The following VPS13C variants were observed in gnomAD, a reference collection of about 807,000 sequenced individuals.
VPS13C encodes the protein vacuolar protein sorting 13 homolog C.
A neutral mutation model predicts 456.8 loss-of-function variants in VPS13C; 358 were observed. The observed-to-expected ratio is 0.78, with a 90% CI of 0.72 to 0.86. The LOEUF (loss-of-function observed/expected upper bound fraction) is 0.86. Ranked by LOEUF, VPS13C falls within the 40% of genes least tolerant of loss-of-function variation. The pLI is 0.00. For synonymous variants in VPS13C, 1,578 were observed against 1,486.7 expected, an observed-to-expected ratio of 1.06 and a Z score of -1.41; for missense variants, 4,818 against 4,385.4, an observed-to-expected ratio of 1.10 and a Z score of -2.79.
At chr15:62,039,648 T>G (rs528996583) in intron 3 of VPS13C, among the ~76,000 whole-genome samples, 2 of 152,182 alleles carry the variant, frequency 1.3e-5, no homozygotes, top group East Asian at 3.9e-4. Context: ...AAATCAAAAC[T>G]ACAATGATAT....
chr15:62,022,325 T>C (rs2047492116), intron 8 of VPS13C, among the ~76,000 whole-genome samples: 1 of 151,910 alleles, frequency 6.6e-6, no homozygotes, highest in Admixed American at 6.6e-5. Context: ...ATTTGATTTT[T>C]AGATTCTGAG....
intron 32 of VPS13C, 67 bp from the exon 33 acceptor site, chr15:61,962,919 A>T: frequency 8.9e-7 from 1 of 1,125,554 alleles, no homozygotes; most frequent in South Asian, 2.2e-5. Context: ...TCTTTCCATT[A>T]CATTATTTTA....
intron 24 of VPS13C, 73 bp downstream of exon 24, chr15:61,977,009 C>G: frequency 9.3e-7 from 1 of 1,079,126 alleles, no homozygotes; most frequent in South Asian, 1.5e-5. Flanking sequence ...TCTTTGCTTC[C>G]TTAAATTCTA....
intron 1 of VPS13C, among the ~76,000 whole-genome samples, chr15:62,059,079 T>C (rs1216094958): frequency 2.0e-5 from 3 of 152,076 alleles, no homozygotes; most frequent in Admixed American, 6.5e-5. Context: ...ACACGGGAAA[T>C]ACACTTTAAT....
At chr15:62,036,788 T>A (rs2048013823) in intron 3 of VPS13C, among the ~76,000 whole-genome samples, 1 of 151,926 alleles carries the variant, frequency 6.6e-6, no homozygotes. Context: ...AGAATTGAGT[T>A]TTTTATATAT....
intron 6 of VPS13C, among the ~76,000 whole-genome samples, chr15:62,024,513 G>T (rs1464390069): frequency 1.3e-5 from 2 of 151,924 alleles, no homozygotes; most frequent in African/African-American, 4.8e-5. Context: ...TTCCTATCAG[G>T]CATCACCTCC....
At chr15:62,050,269 C>T (rs547231321) in intron 1 of VPS13C, among the ~76,000 whole-genome samples, 21 of 152,164 alleles carry the variant, frequency 1.4e-4, no homozygotes, top group Non-Finnish European at 2.5e-4. Flanking sequence ...CTAATCCTAC[C>T]AAGTCTAAAC....
At chr15:61,883,559 CT>C (rs1307049084) in intron 68 of VPS13C, among the ~76,000 whole-genome samples, 3 of 152,064 alleles carry the variant, frequency 2.0e-5, no homozygotes, top group Admixed American at 6.6e-5. Context: ...TGCAGTCAAG[CT>C]TCTGTAGACT....
At chr15:61,918,565 C>G (rs137962431) in intron 58 of VPS13C, among the ~76,000 whole-genome samples, 2 of 152,032 alleles carry the variant, frequency 1.3e-5, no homozygotes, top group African/African-American at 2.4e-5. Flanking sequence ...TTCTCCATGA[C>G]AATCTTTTCT....
intron 31 of VPS13C, among the ~76,000 whole-genome samples, chr15:61,964,308 A>T (rs533743009): frequency 2.6e-5 from 4 of 152,130 alleles, no homozygotes; most frequent in Non-Finnish European, 4.4e-5. Context: ...GGCCAATTAG[A>T]TGCTACTCCT....
At chr15:61,868,013 C>T in intron 81 of VPS13C, 4 of 1,091,484 alleles carry the variant, frequency 3.7e-6, no homozygotes, top group Non-Finnish European at 5.5e-6. Flanking sequence ...AAAACGTAAT[C>T]ATATACAATA....
chr15:61,888,853 A>C (rs1896461555), intron 67 of VPS13C, among the ~76,000 whole-genome samples: 1 of 152,148 alleles, frequency 6.6e-6, no homozygotes, highest in Non-Finnish European at 1.5e-5. Context: ...TTAGATATAG[A>C]AGTTAGATAA....
intron 61 of VPS13C, among the ~76,000 whole-genome samples, chr15:61,914,595 T>G (rs1464683049): frequency 6.6e-6 from 1 of 151,252 alleles, no homozygotes; most frequent in Non-Finnish European, 1.5e-5. Flanking sequence ...GGTCTCACTC[T>G]ATCGCCCAGG....
In VPS13C at chr15:61,951,957, T is replaced by C. The variant is rs2140292808; in HGVS notation, c.4323A>G (p.Lys1441=). 1.2e-6 allele frequency: 2 copies of C among 1,613,026 alleles called. No individual in the cohort carries two copies. The highest frequency in any genetic ancestry group is 1.7e-6 in the Non-Finnish European group (2 of 1,179,624). Reference sequence around the variant, plus strand: ...GTAAAGGCCTTCCTTTCTTTTCTGATTTTTTCATCAAAGTAACCACAACCT... The same window carrying C: ...GTAAAGGCCTTCCTTTCTTTTCTGACTTTTTCATCAAAGTAACCACAACCT... ...IKEVVVTLMK[K]SEKKGRPLHE... The change falls in exon 39 of 85, where the codon AAA becomes AAG. Residue 1441 remains lysine, a synonymous_variant. Coordinates refer to ENST00000644861, the MANE Select transcript of VPS13C (RefSeq NM_020821.3).
At chr15:61,909,167 A>C (rs2043229292) in intron 64 of VPS13C, 42 bp from the exon 65 acceptor site, 1 of 1,603,866 alleles carries the variant, frequency 6.2e-7, no homozygotes, top group Non-Finnish European at 8.5e-7. Context: ...GTACTGGTTT[A>C]ATCTACACTT....
At chr15:61,962,936 G>T in intron 32 of VPS13C, 84 bp from the exon 33 acceptor site, 3 of 993,256 alleles carry the variant, frequency 3.0e-6, no homozygotes, top group South Asian at 2.9e-5. Context: ...TTTATTTTGG[G>T]GTGACTTTTT....
intron 9 of VPS13C, among the ~76,000 whole-genome samples, chr15:62,017,721 A>G (rs2047308914): frequency 6.6e-6 from 1 of 152,178 alleles, no homozygotes; most frequent in African/African-American, 2.4e-5. Flanking sequence ...AGGTAGCGTG[A>G]TGCCTCCAGC....
At position 61,896,541 on chromosome 15, in the gene VPS13C, G is replaced by A. The variant is rs569307786; in HGVS notation, c.9106-6141C>T. Among the ~76,000 whole-genome samples, 228 of 152,144 alleles carry A rather than the reference G, an allele frequency of 1.5e-3. No homozygotes were observed. The Middle Eastern group carries it at 0.024, about 16-fold the overall frequency. On this transcript the variant is annotated intron_variant, in intron 66 of 84. Transcript: ENST00000644861. The stretch of plus-strand genomic sequence containing the variant: ...TCCCACCTGAATACTGCGCTTTTCC[G>A]ACGGGCTTAAAAAACGGCGCACCAC...
intron 81 of VPS13C, chr15:61,865,241 T>C (rs937068418): frequency 3.0e-6 from 3 of 984,122 alleles, no homozygotes; most frequent in African/African-American, 3.5e-5. Context: ...TAAGGAAATA[T>C]GAAAAAGCAA....
Sources: gnomAD v4.1 joint callset for allele counts (sites outside exome capture counted in the v4.1 genomes callset) on GRCh38, gnomAD v4.1.1 for gene constraint, MANE v1.5 for transcripts, NCBI Gene and HGNC (gene_info 2026-07-23, HGNC 2026-07-21) for gene names.